The following LRRC49 variants were observed in gnomAD, a reference collection of about 807,000 sequenced individuals.
LRRC49 encodes leucine-rich repeat-containing protein 49.
In LRRC49, 50 loss-of-function variants were observed where a neutral mutation model predicts 83.3. The ratio of observed to expected loss-of-function variants is 0.60; its 90% CI spans 0.48 to 0.76. The LOEUF (loss-of-function observed/expected upper bound fraction) is 0.76. Among genes scored for constraint, LRRC49 ranks in the 30% least tolerant of loss-of-function variants. The pLI is 0.00. For missense variants in LRRC49, 704 were observed against 809.1 expected (o/e 0.87, Z 1.58); for synonymous variants, 286 against 283.3 (o/e 1.01, Z -0.10).
rs984722966 is a variant in LRRC49, at chr15:70,868,710, A to T, written c.-298-4198A>T. Among the ~76,000 whole-genome samples the T allele has an allele frequency of 2.0e-5, 3 of 152,204 alleles. 1 individual carries two copies. Among genetic ancestry groups the T allele is most frequent in the Non-Finnish European group, 4.4e-5 (3 of 68,028 alleles). ...AGAATCTCAGCTTTAAACTTGGGTCACCCCAAATGTGGAATTGAATACAAT... is the reference window on the plus strand; with the variant it reads ...AGAATCTCAGCTTTAAACTTGGGTCTCCCCAAATGTGGAATTGAATACAAT... On this transcript the variant is annotated intron_variant, in intron 1 of 16. Coordinates refer to the LRRC49 transcript ENST00000544974.
chr15:70,953,054 T>C (rs1227707194), intron 8 of LRRC49, among the ~76,000 whole-genome samples: 3 of 152,160 alleles, frequency 2.0e-5, no homozygotes, highest in Non-Finnish European at 4.4e-5. Context: ...TTGAAGACCA[T>C]AGTCAGTTGG....
intron 15 of LRRC49, among the ~76,000 whole-genome samples, chr15:71,041,923 G>A (rs1373284088): frequency 2.6e-5 from 4 of 152,098 alleles, no homozygotes; most frequent in Non-Finnish European, 5.9e-5. Flanking sequence ...ATGATACTGA[G>A]GAAATGGGAT....
chr15:70,985,964 G>T (rs1232016641), intron 11 of LRRC49, among the ~76,000 whole-genome samples: 1 of 148,092 alleles, frequency 6.8e-6, no homozygotes, highest in Non-Finnish European at 1.5e-5. Flanking sequence ...ATTTCTGAGG[G>T]CTCTGTTCTG....
chr15:70,930,972 TTTTA>T (rs1184518677), intron 7 of LRRC49, among the ~76,000 whole-genome samples: 4 of 152,178 alleles, frequency 2.6e-5, no homozygotes, highest in African/African-American at 7.2e-5. Context: ...TTCCTATTGT[TTTTA>T]TTTATTAATT....
At chr15:70,992,124 C>T (rs1437017177) in intron 11 of LRRC49, among the ~76,000 whole-genome samples, 2 of 152,224 alleles carry the variant, frequency 1.3e-5, no homozygotes, top group South Asian at 4.1e-4. Context: ...CTTGTGCATT[C>T]ATCACATAGT....
chr15:70,921,559 C>A (rs1190365261), intron 7 of LRRC49, among the ~76,000 whole-genome samples: 7 of 152,188 alleles, frequency 4.6e-5, no homozygotes, highest in Non-Finnish European at 7.3e-5. Context: ...TAGTCCATGC[C>A]TGCTCATTGT....
chr15:71,043,913 A>G (rs930852704), intron 15 of LRRC49, among the ~76,000 whole-genome samples: 8 of 152,216 alleles, frequency 5.3e-5, no homozygotes, highest in African/African-American at 1.9e-4. Flanking sequence ...TCCAATCTTA[A>G]TAATAGAATT....
At chr15:70,986,790 T>C (rs2037637911) in intron 11 of LRRC49, among the ~76,000 whole-genome samples, 1 of 152,246 alleles carries the variant, frequency 6.6e-6, no homozygotes, top group Non-Finnish European at 1.5e-5. Flanking sequence ...ATAGCTCTTA[T>C]TATTTTGAGA....
At chr15:70,885,427 C>A (rs1340135548) in intron 2 of LRRC49, among the ~76,000 whole-genome samples, 1 of 152,032 alleles carries the variant, frequency 6.6e-6, no homozygotes, top group African/African-American at 2.4e-5. Context: ...AGAAACCAAA[C>A]CTATGCACAC....
chr15:70,943,257 A>G (rs962927050), intron 8 of LRRC49, among the ~76,000 whole-genome samples: 1 of 152,130 alleles, frequency 6.6e-6, no homozygotes. Context: ...ACCAGCGGCA[A>G]ATCTATATGG....
At chr15:70,853,773 G>T in intron 1 of LRRC49, 1 of 757,294 alleles carries the variant, frequency 1.3e-6, no homozygotes. Context: ...CCCCGGCGGC[G>T]GGGCTGACTC....
At chr15:70,985,553 G>C (rs1458322015) in intron 11 of LRRC49, among the ~76,000 whole-genome samples, 3 of 151,936 alleles carry the variant, frequency 2.0e-5, no homozygotes, top group Non-Finnish European at 4.4e-5. Context: ...GAGTAGGTTG[G>C]GAAAATTTTC....
At chr15:70,859,487 A>C in intron 1 of LRRC49, 1 of 694,516 alleles carries the variant, frequency 1.4e-6, no homozygotes, top group Non-Finnish European at 2.7e-6. Flanking sequence ...CACGGTCAGC[A>C]TCATTGCTGA....
At chr15:70,857,791 C>A (rs115057975) in intron 1 of LRRC49, among the ~76,000 whole-genome samples, 1 of 152,218 alleles carries the variant, frequency 6.6e-6, no homozygotes, top group Non-Finnish European at 1.5e-5. Context: ...GAAAAGCTCA[C>A]ACATAAGCAG....
At chr15:70,920,878 A>T (rs933494875) in intron 7 of LRRC49, among the ~76,000 whole-genome samples, 1 of 152,126 alleles carries the variant, frequency 6.6e-6, no homozygotes, top group African/African-American at 2.4e-5. Flanking sequence ...CATCCAACTC[A>T]TTTCTTTTTC....
intron 8 of LRRC49, among the ~76,000 whole-genome samples, chr15:70,943,971 C>T (rs2035915111): frequency 6.6e-6 from 1 of 152,198 alleles, no homozygotes; most frequent in Non-Finnish European, 1.5e-5. Context: ...CTTACTGTAA[C>T]ACATCCATAT....
At chr15:71,032,764 A>G (rs2039399566) in intron 14 of LRRC49, among the ~76,000 whole-genome samples, 1 of 152,208 alleles carries the variant, frequency 6.6e-6, no homozygotes, top group Non-Finnish European at 1.5e-5. Flanking sequence ...CCAAAACCAC[A>G]TGATTATCTC....
chr15:71,030,004 AT>A (rs1596160013), intron 14 of LRRC49, among the ~76,000 whole-genome samples: 2 of 152,316 alleles, frequency 1.3e-5, no homozygotes, highest in East Asian at 3.9e-4. Context: ...TAATTGGGGC[AT>A]TTAGCCCATT....
chr15:71,033,223 C>T (rs75807422), intron 14 of LRRC49, among the ~76,000 whole-genome samples: 36 of 152,210 alleles, frequency 2.4e-4, no homozygotes, highest in South Asian at 4.2e-4. Context: ...CAATATTAGA[C>T]GAGCAGAGAC....
Sources: gnomAD v4.1 joint callset for allele counts (sites outside exome capture counted in the v4.1 genomes callset) on GRCh38, gnomAD v4.1.1 for gene constraint, MANE v1.5 for transcripts, NCBI Gene and HGNC (gene_info 2026-07-23, HGNC 2026-07-21) for gene names.